Variants in RBMXL1 observed in about 807,000 individuals in gnomAD.
RBMXL1 encodes the protein RNA binding motif protein, X-linked-like-1.
Under a neutral mutation model 29.0 loss-of-function variants are expected in RBMXL1, and 18 were observed. The observed-to-expected ratio is 0.62, with a 90% confidence interval of 0.43 to 0.92. The LOEUF (loss-of-function observed/expected upper bound fraction) is 0.92. Among genes scored for constraint, RBMXL1 ranks in the 40% least tolerant of loss-of-function variants. The pLI is 0.00. For missense variants in RBMXL1, 403 were observed against 495.8 expected (o/e 0.81, Z 1.78); for synonymous variants, 141 against 170.4 (o/e 0.83, Z 1.34).
chr1:88,991,820 C>A (rs1184636755), intron 1 of RBMXL1, among the ~76,000 whole-genome samples: 3 of 152,244 alleles, frequency 2.0e-5, no homozygotes, highest in Non-Finnish European at 4.4e-5. Context: ...GCCCCAGTCC[C>A]CCTCAGGTGG....
Position 88,982,945 on chromosome 1 carries a change from A to G in RBMXL1, c.882T>C (p.Ala294=). The G allele has an allele frequency of 6.2e-7, 1 of 1,613,946 alleles. No homozygotes were observed. The highest frequency in any genetic ancestry group is 8.5e-7 in the Non-Finnish European group (1 of 1,179,906). ...ATGGCGGGGGCCCTCGTGTAAGTGG[A>G]GCACTACGTGAGTTACCATAACTCT... ...SYESYGNSRS[A]PLTRGPPPSY... Residue 294 remains alanine (A), a synonymous_variant, in exon 3 of 3, where the codon GCT becomes GCC. Transcript: ENST00000652648.
chr1:88,980,920 A>G lies in RBMXL1; in HGVS notation c.*1734T>C, dbSNP rs543112068. 6.6e-6 allele frequency: 1 copy of G among 152,316 alleles called. No individual in the cohort carries two copies. Among genetic ancestry groups the G allele is most frequent in the South Asian group, 2.1e-4 (1 of 4,830 alleles). The allele number at this position is 152,316 out of a possible 1,614,324, so 9.4% of individuals were successfully genotyped here. On this transcript the variant is annotated 3_prime_UTR_variant, in exon 3 of 3. Coordinates refer to ENST00000652648, the MANE Select transcript of RBMXL1 (RefSeq NM_001162536.3). ...AGTAGTCTGCCAAATGAGAGTTAAA[A>G]ATGTTGTACTTACTATCCCTAGTTG...
chr1:88,986,512 G>A (rs1035197933), intron 2 of RBMXL1, among the ~76,000 whole-genome samples: 4 of 150,466 alleles, frequency 2.7e-5, no homozygotes, highest in African/African-American at 9.8e-5. Context: ...GGCTGGTCTT[G>A]AACTCCTGGT....
At chr1:88,987,523 G>T (rs1044656702) in intron 2 of RBMXL1, among the ~76,000 whole-genome samples, 3 of 151,836 alleles carry the variant, frequency 2.0e-5, no homozygotes, top group Non-Finnish European at 4.4e-5. Context: ...TGACAAAAAT[G>T]GTACTTCATA....
intron 1 of RBMXL1, among the ~76,000 whole-genome samples, chr1:88,992,224 C>G (rs931297102): frequency 1.8e-4 from 28 of 152,298 alleles, no homozygotes; most frequent in Admixed American, 3.9e-4. Context: ...GTGATCCGCC[C>G]GCCTCGGCCT....
chr1:88,992,164 C>G (rs1031667550), intron 1 of RBMXL1, among the ~76,000 whole-genome samples: 55 of 152,056 alleles, frequency 3.6e-4, no homozygotes, highest in African/African-American at 1.1e-3. Context: ...ATTTTTAGTA[C>G]AGACGGGGTT....
intron 2 of RBMXL1, 119 bp downstream of exon 2, chr1:88,988,133 T>C (rs1485838592): frequency 3.2e-6 from 2 of 634,190 alleles, no homozygotes; most frequent in Non-Finnish European, 5.5e-6. Context: ...ACCTTCAGCA[T>C]ATGTAATAGA....
At position 88,983,351 on chromosome 1, in the gene RBMXL1, C is replaced by A. The variant is rs750298384; in HGVS notation, c.476G>T (p.Gly159Val). The A allele has an allele frequency of 9.9e-6, 16 of 1,614,116 alleles. No individual in the cohort carries two copies. The highest frequency in any genetic ancestry group is 1.3e-5 in the Non-Finnish European group (15 of 1,180,006). The change falls in exon 3 of 3, where the codon GGT becomes GTT. Residue 159 changes from glycine to valine, a missense_variant. Coordinates refer to ENST00000652648, the MANE Select transcript of RBMXL1 (RefSeq NM_001162536.3). ...AGGTGCAGATCTCTTAGGAGAAGGA[C>A]CCCCACTTCTTGGTGGTGGTCCTCT... is the stretch of plus-strand genomic sequence containing the variant. ...VKRGPPPRSG[G>V]PSPKRSAPSG...
intron 1 of RBMXL1, among the ~76,000 whole-genome samples, chr1:88,989,970 A>G (rs1202926846): frequency 6.6e-6 from 1 of 152,176 alleles, no homozygotes; most frequent in Non-Finnish European, 1.5e-5. Context: ...CATTTCTACT[A>G]TATTTTGTAG....
chr1:88,990,516 C>T (rs908351886), intron 1 of RBMXL1, among the ~76,000 whole-genome samples: 1 of 152,216 alleles, frequency 6.6e-6, no homozygotes, highest in African/African-American at 2.4e-5. Flanking sequence ...GCTTTAGATA[C>T]TGGCAGGCAA....
Position 88,983,879 on chromosome 1 carries a change from A to G in RBMXL1, c.-53T>C, listed in dbSNP as rs982465704. On this transcript the variant is annotated 5_prime_UTR_variant, in exon 3 of 3. Coordinates refer to ENST00000652648, the MANE Select transcript of RBMXL1 (RefSeq NM_001162536.3). Reference sequence around the variant, plus strand: ...GTGACAGTGGGTTCAAGCTCCAACAAGCTCGCCGACAGGGGCTTCCTAGCA... The same window carrying G: ...GTGACAGTGGGTTCAAGCTCCAACAGGCTCGCCGACAGGGGCTTCCTAGCA... The G allele has an allele frequency of 6.8e-6, 11 of 1,610,178 alleles. No individual in the cohort carries two copies. Among genetic ancestry groups the G allele is most frequent in the Middle Eastern group, 1.6e-4 (1 of 6,068 alleles).
At position 88,979,742 on chromosome 1, in the gene RBMXL1, T is replaced by A. The variant is rs1307989956; in HGVS notation, c.*2912A>T. 2.0e-5 allele frequency: 3 copies of A among 152,220 alleles called. No homozygotes were observed. Among genetic ancestry groups the A allele is most frequent in the Non-Finnish European group, 2.9e-5 (2 of 68,042 alleles). The allele number at this position is 152,220 out of a possible 1,614,324, so 9.4% of individuals were successfully genotyped here. On this transcript the variant is annotated 3_prime_UTR_variant, in exon 3 of 3. Coordinates refer to ENST00000652648, the MANE Select transcript of RBMXL1 (RefSeq NM_001162536.3). The stretch of plus-strand genomic sequence containing the variant: ...GGGAATATAAAAGGGTATAGCCCCT[T>A]TGGAAAACAAACAGTTTGGCAGTTA...
chr1:88,982,915 A>C lies in RBMXL1; in HGVS notation c.912T>G (p.Tyr304Ter), dbSNP rs750973601. 6.2e-7 allele frequency: 1 copy of C among 1,614,002 alleles called. No individual in the cohort carries two copies. The highest frequency in any genetic ancestry group is 8.5e-7 in the Non-Finnish European group (1 of 1,179,878). Residue 304 changes from tyrosine to a stop codon, truncating the protein, a stop_gained, in exon 3 of 3, where the codon TAT (tyrosine) becomes TAG (stop). Coordinates refer to ENST00000652648, the MANE Select transcript of RBMXL1 (RefSeq NM_001162536.3). LOFTEE classifies it high-confidence loss of function. The stretch of plus-strand genomic sequence containing the variant: ...AATCATCATAGCGACTGCTTCCACC[A>C]TAAGATGGCGGGGGCCCTCGTGTAA... Reference protein sequence around the residue: ...APLTRGPPPSYGGSSRYDDYS... With the variant: ...APLTRGPPPS
At position 88,980,387 on chromosome 1, in the gene RBMXL1, C is replaced by G. The variant is rs944451460; in HGVS notation, c.*2267G>C. 6.6e-6 allele frequency: 1 copy of G among 152,042 alleles called. No individual in the cohort carries two copies. The highest frequency in any genetic ancestry group is 2.4e-5 in the African/African-American group (1 of 41,252). 9.4% of individuals were successfully genotyped at this position (152,042 alleles called of 1,614,324 possible). On this transcript the variant is annotated 3_prime_UTR_variant, in exon 3 of 3. Coordinates refer to ENST00000652648, the MANE Select transcript of RBMXL1 (RefSeq NM_001162536.3). Reference sequence around the variant, plus strand: ...CCTCTGGACCAAGCACCCGCCCAAGCAAGCCAACTTTAACAAAATTATCTC... The same window carrying G: ...CCTCTGGACCAAGCACCCGCCCAAGGAAGCCAACTTTAACAAAATTATCTC...
chr1:88,984,218 T>C (rs1321118091), intron 2 of RBMXL1, among the ~76,000 whole-genome samples, 152 bp from the exon 3 acceptor site: 3 of 138,794 alleles, frequency 2.2e-5, no homozygotes, highest in African/African-American at 8.1e-5. Flanking sequence ...TTTTTTTTTT[T>C]TTTTTTTTTT....
In RBMXL1 at chr1:88,983,607, A is replaced by C; in HGVS notation, c.220T>G (p.Leu74Val). ...DAARDMNGKS[L>V]DGKAIKVEQA... The stretch of plus-strand genomic sequence containing the variant: ...TCCACCTTGATGGCTTTTCCATCTA[A>C]TGACTTTCCATTCATGTCTCTGGCT... The change falls in exon 3 of 3, where the codon TTA becomes GTA. Residue 74 changes from leucine to valine, a missense_variant. Physicochemically the swap from Leu to Val is conservative, Grantham distance 32. Coordinates refer to ENST00000652648, the MANE Select transcript of RBMXL1 (RefSeq NM_001162536.3). 1.2e-6 allele frequency: 2 copies of C among 1,614,104 alleles called. No individual in the cohort carries two copies. Among genetic ancestry groups the C allele is most frequent in the Non-Finnish European group, 1.7e-6 (2 of 1,180,050 alleles).
In RBMXL1 at chr1:88,981,347, T is replaced by C. The variant is rs958999590; in HGVS notation, c.*1307A>G. 6.6e-6 allele frequency: 1 copy of C among 152,262 alleles called. No homozygotes were observed. Among genetic ancestry groups the C allele is most frequent in the African/African-American group, 2.4e-5 (1 of 41,460 alleles). The allele number at this position is 152,262 out of a possible 1,614,324, so 9.4% of individuals were successfully genotyped here. A position where few individuals can be genotyped will look rare whatever the true frequency, so the allele number is the denominator to read the frequency against. On this transcript the variant is annotated 3_prime_UTR_variant, in exon 3 of 3. Coordinates refer to ENST00000652648, the MANE Select transcript of RBMXL1 (RefSeq NM_001162536.3). The stretch of plus-strand genomic sequence containing the variant: ...TTTATAATTCATCTTAAGTTCTAAA[T>C]TGAAGAGTTGTCCCCATGACTTTAG...
Position 88,982,685 on chromosome 1 carries a change from G to A in RBMXL1, c.1142C>T (p.Ser381Phe), listed in dbSNP as rs749709949. 3.7e-6 allele frequency: 6 copies of A among 1,613,410 alleles called. No homozygotes were observed. The highest frequency in any genetic ancestry group is 5.1e-6 in the Non-Finnish European group (6 of 1,179,604). Residue 381 changes from serine to phenylalanine, a missense_variant, in exon 3 of 3, where the codon TCT becomes TTT. Transcript: ENST00000652648. ...TCTGCTTCTGCCTCCCCCTCTATCA[G>A]ATCGGCTTCCTCCAGGGCCAGCACC... ...PRGAGPGGSR[S>F]DRGGGRSRY is the part of the protein sequence containing the mutation.
At chr1:88,991,775 C>T (rs1293367788) in intron 1 of RBMXL1, among the ~76,000 whole-genome samples, 1 of 152,238 alleles carries the variant, frequency 6.6e-6, no homozygotes, top group African/African-American at 2.4e-5. Flanking sequence ...TCGGTTTTGG[C>T]TCCCGAAGTC....
Sources: allele counts gnomAD v4.1 joint callset (sites outside exome capture counted in the v4.1 genomes callset), GRCh38; gene constraint gnomAD v4.1.1; transcripts MANE v1.5; gene names NCBI Gene and HGNC (gene_info 2026-07-23, HGNC 2026-07-21).